Variants in INPP5D observed in about 807,000 individuals in gnomAD.
INPP5D encodes inositol polyphosphate-5-phosphatase D.
A neutral mutation model predicts 122.9 loss-of-function variants in INPP5D; 33 were observed. That is an observed-to-expected ratio of 0.27 (90% CI 0.20 to 0.36). The LOEUF (loss-of-function observed/expected upper bound fraction) is 0.36, where lower values mean the gene tolerates loss of function less well. INPP5D is among the 10% of genes least tolerant of loss of function. INPP5D has a pLI of 1.00. For missense variants in INPP5D, 1,053 were observed against 1,412.7 expected, an observed-to-expected ratio of 0.75 and a Z score of 4.08; for synonymous variants, 584 against 576.2, an observed-to-expected ratio of 1.01 and a Z score of -0.19.
chr2:233,163,959 G>T, intron 12 of INPP5D, 56 bp downstream of exon 12: 1 of 1,585,610 alleles, frequency 6.3e-7, no homozygotes, highest in Non-Finnish European at 8.6e-7. Flanking sequence ...TTGCTCGGCT[G>T]GGCTGTCTCA....
At chr2:233,084,598 A>G (rs1434427702) in intron 2 of INPP5D, among the ~76,000 whole-genome samples, 1 of 152,244 alleles carries the variant, frequency 6.6e-6, no homozygotes, top group Admixed American at 6.5e-5. Context: ...CTGTTCCGTC[A>G]CAAGCATCCG....
chr2:233,130,391 G>A, intron 4 of INPP5D, 117 bp from the exon 5 acceptor site: 2 of 1,097,758 alleles, frequency 1.8e-6, no homozygotes, highest in Non-Finnish European at 2.6e-6. Context: ...TCTGAAGGAC[G>A]GTGTCCCCTT....
chr2:233,131,558 G>T (rs1415106294), intron 5 of INPP5D, among the ~76,000 whole-genome samples: 3 of 147,296 alleles, frequency 2.0e-5, no homozygotes, highest in African/African-American at 7.6e-5. Flanking sequence ...AAATTAGCTG[G>T]ATGTGGTGGC....
Position 233,204,621 on chromosome 2 carries a change from G to A in INPP5D, c.3471G>A (p.Lys1157=). Reference sequence around the variant, plus strand: ...CGGTGCTGCACCTCCAGCACTCCAAGGGCCGCGACTACCGCGACAACACCG... The same window carrying A: ...CGGTGCTGCACCTCCAGCACTCCAAAGGCCGCGACTACCGCGACAACACCG... ...SPAVLHLQHS[K]GRDYRDNTEL... The change falls in exon 26 of 27, where the codon AAG becomes AAA. Residue 1157 remains lysine (K), a synonymous_variant. Transcript: ENST00000445964. 3.8e-6 allele frequency: 6 copies of A among 1,578,906 alleles called. No homozygotes were observed. The highest frequency in any genetic ancestry group is 5.2e-6 in the Non-Finnish European group (6 of 1,164,000).
In INPP5D at chr2:233,164,228, T is replaced by C. The variant is rs759704313; in HGVS notation, c.1438-79T>C. The C allele has an allele frequency of 4.1e-6, 6 of 1,477,280 alleles. No individual in the cohort carries two copies. Among genetic ancestry groups the C allele is most frequent in the Non-Finnish European group, 5.4e-6 (6 of 1,109,068 alleles). 91.5% of individuals were successfully genotyped at this position (1,477,280 alleles called of 1,614,324 possible). On this transcript the variant is annotated intron_variant, in intron 12 of 26. Transcript: ENST00000445964. This position sits in a 1 kb window ranked among gnomAD's most constrained non-coding sequence, Gnocchi z 4.3. ...ATACCCCATACCCAGGGGCTGCGGC[T>C]GGGGCTGGGTGTGAATCACTGTGCC... is the stretch of plus-strand genomic sequence containing the variant.
intron 24 of INPP5D, 28 bp downstream of exon 24, chr2:233,195,523 G>C (rs142933644): frequency 4.0e-5 from 65 of 1,612,708 alleles, no homozygotes; most frequent in African/African-American, 1.9e-4. Flanking sequence ...TGGGTGTTGG[G>C]GGGGGTGGAT....
chr2:233,178,044 G>C (rs1181741031), intron 18 of INPP5D, among the ~76,000 whole-genome samples: 3 of 152,058 alleles, frequency 2.0e-5, no homozygotes, highest in African/African-American at 7.2e-5. Flanking sequence ...TATTTGGGGA[G>C]GTTTAACCAT....
At chr2:233,126,919 T>TC (rs1553577948) in intron 4 of INPP5D, among the ~76,000 whole-genome samples, 1 of 147,218 alleles carries the variant, frequency 6.8e-6, no homozygotes, top group African/African-American at 2.5e-5. Flanking sequence ...AAACTGCGTC[T>TC]AAAAAAAAAA....
chr2:233,170,948 C>T lies in INPP5D; in HGVS notation c.1901-116C>T, dbSNP rs1482869118. 2.2e-6 allele frequency: 3 copies of T among 1,336,446 alleles called. No individual in the cohort carries two copies. The highest frequency in any genetic ancestry group is 2.4e-5 in the Admixed American group (1 of 42,284). 82.8% of individuals were successfully genotyped at this position (1,336,446 alleles called of 1,614,324 possible). On this transcript the variant is annotated intron_variant, in intron 16 of 26. Coordinates refer to ENST00000445964, the MANE Select transcript of INPP5D (RefSeq NM_001017915.3). The surrounding 1 kb of genome is among the most constrained non-coding windows in gnomAD (Gnocchi z 4.5). ...AAGCAGCAGCCTCTCCTCTTGGAGC[C>T]TTTCCAGCCATCCTTTCGTCCCCTT...
chr2:233,074,950 C>T (rs1356632535), intron 1 of INPP5D, among the ~76,000 whole-genome samples: 1 of 152,180 alleles, frequency 6.6e-6, no homozygotes, highest in Non-Finnish European at 1.5e-5. Flanking sequence ...TAAGATTTAT[C>T]TGAAAGAATC....
In INPP5D at chr2:233,082,773, T is replaced by C. The variant is rs1691723171; in HGVS notation, c.198+3375T>C. Reference sequence around the variant, plus strand: ...CGAGATGGGAGGGCAGGATGCAAACTGTAACTTCATCCAACCCCCTCGTTC... The same window carrying C: ...CGAGATGGGAGGGCAGGATGCAAACCGTAACTTCATCCAACCCCCTCGTTC... On this transcript the variant is annotated intron_variant, in intron 2 of 26. Coordinates refer to ENST00000445964, the MANE Select transcript of INPP5D (RefSeq NM_001017915.3). The surrounding 1 kb of genome is among the most constrained non-coding windows in gnomAD (Gnocchi z 4.7). Among the ~76,000 whole-genome samples, 1 of 152,196 alleles carries C rather than the reference T, an allele frequency of 6.6e-6. No individual in the cohort carries two copies. The highest frequency in any genetic ancestry group is 1.5e-5 in the Non-Finnish European group (1 of 68,030).
chr2:233,108,030 A>T (rs1183185059), intron 2 of INPP5D, among the ~76,000 whole-genome samples: 1 of 152,106 alleles, frequency 6.6e-6, no homozygotes, highest in Non-Finnish European at 1.5e-5. Flanking sequence ...AGCCAGTGCC[A>T]GTTTCCCCCC....
chr2:233,188,559 T>C lies in INPP5D; in HGVS notation c.2359-1291T>C, dbSNP rs1473371017. Among the ~76,000 whole-genome samples, 4 of 152,160 alleles carry C rather than the reference T, an allele frequency of 2.6e-5. No individual in the cohort carries two copies. The highest frequency in any genetic ancestry group is 9.6e-5 in the African/African-American group (4 of 41,454). On this transcript the variant is annotated intron_variant, in intron 21 of 26. Coordinates refer to ENST00000445964, the MANE Select transcript of INPP5D (RefSeq NM_001017915.3). This position sits in a 1 kb window ranked among gnomAD's most constrained non-coding sequence, Gnocchi z 4.7. ...AGAGCTCCACTGCAGTTTCCAGTCA[T>C]CTGTTCTGGAACTTTTTTTTGAGAC... is the stretch of plus-strand genomic sequence containing the variant.
intron 24 of INPP5D, among the ~76,000 whole-genome samples, chr2:233,196,990 T>C (rs1192071016): frequency 1.3e-5 from 2 of 152,252 alleles, no homozygotes; most frequent in African/African-American, 2.4e-5. Context: ...AAATGCATCC[T>C]GGCTCTGAAG....
At chr2:233,187,025 T>G (rs1694940097) in intron 21 of INPP5D, among the ~76,000 whole-genome samples, 1 of 152,010 alleles carries the variant, frequency 6.6e-6, no homozygotes, top group Admixed American at 6.6e-5. Context: ...CTAAAACATT[T>G]TTTTTTAAAT....
intron 2 of INPP5D, among the ~76,000 whole-genome samples, chr2:233,081,584 C>T (rs1362309035): frequency 2.0e-5 from 3 of 152,132 alleles, no homozygotes; most frequent in Admixed American, 1.3e-4. Flanking sequence ...ATCTTGTGAC[C>T]CTGGGAACTG....
At chr2:233,131,421 G>A (rs968517426) in intron 5 of INPP5D, among the ~76,000 whole-genome samples, 6 of 152,128 alleles carry the variant, frequency 3.9e-5, no homozygotes, top group Non-Finnish European at 8.8e-5. Context: ...GTCAGGCCGG[G>A]TGTGGTGGCT....
rs1694481299 is a variant in INPP5D at position 233,170,998 on chromosome 2, T to C, written c.1901-66T>C. 4.4e-6 allele frequency: 7 copies of C among 1,576,746 alleles called. No homozygotes were observed. Among genetic ancestry groups the C allele is most frequent in the African/African-American group, 1.4e-5 (1 of 73,318 alleles). ...TTCCCCTGATTTCCTACCAGAAGAATAGGGAAAATTGGCCAGATGCAAAAC... is the reference window on the plus strand; with the variant it reads ...TTCCCCTGATTTCCTACCAGAAGAACAGGGAAAATTGGCCAGATGCAAAAC... On this transcript the variant is annotated intron_variant, in intron 16 of 26. Transcript: ENST00000445964. The surrounding 1 kb of genome is among the most constrained non-coding windows in gnomAD (Gnocchi z 4.5).
intron 2 of INPP5D, among the ~76,000 whole-genome samples, chr2:233,101,723 A>C (rs1692319565): frequency 6.8e-6 from 1 of 146,116 alleles, no homozygotes; most frequent in Non-Finnish European, 1.5e-5. Context: ...TATATATTAT[A>C]TATAATATAA....
Sources: allele counts gnomAD v4.1 joint callset (sites outside exome capture counted in the v4.1 genomes callset), GRCh38; gene constraint gnomAD v4.1.1; non-coding constraint Gnocchi (gnomAD v3.1); transcripts MANE v1.5; gene names NCBI Gene and HGNC (gene_info 2026-07-23, HGNC 2026-07-21).